AP3B1: variants seen among roughly 807,000 people sequenced by gnomAD.
AP3B1 encodes AP-3 complex subunit beta-1.
AP3B1 carries 61 observed loss-of-function variants against 132.5 expected under a neutral mutation model. The ratio of observed to expected loss-of-function variants is 0.46; its 90% CI spans 0.37 to 0.57. The LOEUF is 0.57. Among genes scored for constraint, AP3B1 ranks in the 20% least tolerant of loss-of-function variants. AP3B1 has a pLI of 0.00. For missense variants in AP3B1, 1,120 were observed against 1,289.4 expected (o/e 0.87, Z 2.01); for synonymous variants, 388 against 438.3 (o/e 0.89, Z 1.43).
rs1380325906 is a variant in AP3B1, at chr5:78,148,942, G to A, written c.1473+7316C>T. 2.0e-5 allele frequency among the ~76,000 whole-genome samples: 3 copies of A among 152,156 alleles called. No individual in the cohort carries two copies. The East Asian group carries it at 5.8e-4, about 29-fold the overall frequency. On this transcript the variant is annotated intron_variant, in intron 14 of 26. Transcript: ENST00000255194. ...TGTTACAATGACTAGAGACACGACT[G>A]AATTTTGATGCTTGGTGGATAGGAA...
rs1367545789 is a variant in AP3B1, at chr5:78,107,048, AAAG to A, written c.2397+3156_2397+3158del. 6.6e-5 allele frequency among the ~76,000 whole-genome samples: 10 copies of A among 152,316 alleles called. No individual in the cohort carries two copies. In the East Asian group the frequency reaches 9.6e-4, roughly 15 times the overall value. On this transcript the variant is annotated intron_variant, in intron 20 of 26. Coordinates refer to ENST00000255194, the MANE Select transcript of AP3B1 (RefSeq NM_003664.5). ...ACAACAGGAAAAATTTAGAGGGAAA[AAAG>A]AAGATTAAAGAAAAATTCATTCACA...
At chr5:78,100,909 C>T in intron 21 of AP3B1, 44 bp downstream of exon 21, 7 of 1,177,544 alleles carry the variant, frequency 5.9e-6, no homozygotes, top group Non-Finnish European at 8.6e-6. Context: ...ATAAAAAATA[C>T]TCTTACTAAA....
chr5:78,216,163 G>A lies in AP3B1; in HGVS notation c.678C>T (p.Tyr226=). 1.2e-6 allele frequency: 2 copies of A among 1,613,992 alleles called. No homozygotes were observed. The highest frequency in any genetic ancestry group is 1.7e-6 in the Non-Finnish European group (2 of 1,179,928). The part of the protein sequence containing the change: ...PDRIDLIHKN[Y]RKLCNLLVDV... ...CCACTAGTAAGTTACATAGCTTGCG[G>A]TAATTTTTATGAATCAGATCTATTC... Residue 226 remains tyrosine, a synonymous_variant, in exon 7 of 27, where the codon TAC becomes TAT. Coordinates refer to ENST00000255194, the MANE Select transcript of AP3B1 (RefSeq NM_003664.5).
intron 7 of AP3B1, among the ~76,000 whole-genome samples, chr5:78,196,693 A>G (rs1745089732): frequency 6.6e-6 from 1 of 152,262 alleles, no homozygotes; most frequent in African/African-American, 2.4e-5. Context: ...GCTAAAAATA[A>G]ATGAGCTAAC....
chr5:78,029,770 G>A (rs1747494765), intron 24 of AP3B1, among the ~76,000 whole-genome samples: 1 of 152,068 alleles, frequency 6.6e-6, no homozygotes, highest in Non-Finnish European at 1.5e-5. Flanking sequence ...CCAAAGAGCT[G>A]GGATAACAGG....
chr5:78,201,715 G>A lies in AP3B1; in HGVS notation c.786+14340C>T, dbSNP rs188953275. Among the ~76,000 whole-genome samples the A allele has an allele frequency of 4.6e-5, 7 of 152,276 alleles. No individual in the cohort carries two copies. The East Asian group carries it at 5.8e-4, about 13-fold the overall frequency. On this transcript the variant is annotated intron_variant, in intron 7 of 26. Transcript: ENST00000255194. The stretch of plus-strand genomic sequence containing the variant: ...GTGCTGGCAACCTGGATTAACAGAC[G>A]AGTAAATGGCAAATGAGTCTTGGAA...
chr5:78,131,300 C>A (rs1314872437), intron 15 of AP3B1, among the ~76,000 whole-genome samples: 2 of 151,754 alleles, frequency 1.3e-5, no homozygotes, highest in Admixed American at 6.6e-5. Context: ...AAATTAAATT[C>A]TGCAGTGAGT....
At chr5:78,047,327 A>C (rs985055281) in intron 22 of AP3B1, among the ~76,000 whole-genome samples, 2 of 152,200 alleles carry the variant, frequency 1.3e-5, no homozygotes, top group Non-Finnish European at 2.9e-5. Flanking sequence ...AACAGTGTAA[A>C]AGTGTTCCTA....
intron 7 of AP3B1, among the ~76,000 whole-genome samples, chr5:78,199,525 A>G (rs931816309): frequency 1.3e-5 from 2 of 152,218 alleles, no homozygotes; most frequent in African/African-American, 4.8e-5. Context: ...AAGTAGAACT[A>G]ATCATGATTC....
chr5:78,088,216 A>G lies in AP3B1; in HGVS notation c.2577+1177T>C, dbSNP rs1750348745. 2.6e-5 allele frequency among the ~76,000 whole-genome samples: 4 copies of G among 152,230 alleles called. No homozygotes were observed. The South Asian group carries it at 8.3e-4, about 31-fold the overall frequency. The stretch of plus-strand genomic sequence containing the variant: ...CTCAATAAATATTTATTACCTGAAT[A>G]AATAAAAGACTTAACTGCTTATTTT... On this transcript the variant is annotated intron_variant, in intron 22 of 26. Coordinates refer to ENST00000255194, the MANE Select transcript of AP3B1 (RefSeq NM_003664.5).
intron 2 of AP3B1, among the ~76,000 whole-genome samples, chr5:78,243,575 T>C (rs979911936): frequency 1.3e-5 from 2 of 152,134 alleles, no homozygotes; most frequent in Non-Finnish European, 2.9e-5. Context: ...GAGGTGGCAA[T>C]AGACTACTGT....
intron 1 of AP3B1, among the ~76,000 whole-genome samples, chr5:78,293,986 C>A (rs1431815776): frequency 6.6e-6 from 1 of 152,124 alleles, no homozygotes; most frequent in African/African-American, 2.4e-5. Context: ...AAATCCACCT[C>A]TCTGCTCCTA....
chr5:78,291,982 T>C (rs13175678), intron 1 of AP3B1, among the ~76,000 whole-genome samples: 33,248 of 151,990 alleles, frequency 0.22, 4,445 homozygotes, highest in Middle Eastern at 0.31. Context: ...TGAATACGTA[T>C]ATGTGCCTGA....
intron 4 of AP3B1, 47 bp from the exon 5 acceptor site, chr5:78,227,579 T>C: frequency 6.3e-7 from 1 of 1,587,432 alleles, no homozygotes; most frequent in East Asian, 2.2e-5. Context: ...CTTTACAATA[T>C]TTTAAACATA....
At chr5:78,060,474 T>C (rs942337369) in intron 22 of AP3B1, among the ~76,000 whole-genome samples, 3 of 152,208 alleles carry the variant, frequency 2.0e-5, no homozygotes, top group Non-Finnish European at 4.4e-5. Context: ...ATAGAAGGCA[T>C]GCACATTATA....
At chr5:78,059,093 T>C (rs920560700) in intron 22 of AP3B1, among the ~76,000 whole-genome samples, 1 of 152,266 alleles carries the variant, frequency 6.6e-6, no homozygotes. Flanking sequence ...TGGAGGTCAT[T>C]CTGGATTTTC....
intron 7 of AP3B1, among the ~76,000 whole-genome samples, chr5:78,201,117 T>C (rs1337756627): frequency 6.6e-6 from 1 of 152,170 alleles, no homozygotes; most frequent in Non-Finnish European, 1.5e-5. Context: ...CCTTGAGATC[T>C]TGCACTTCTA....
intron 22 of AP3B1, among the ~76,000 whole-genome samples, chr5:78,061,272 T>TA (rs397964615): frequency 7.8e-5 from 10 of 127,502 alleles, no homozygotes; most frequent in East Asian, 1.9e-4. Flanking sequence ...GAAAACCAGA[T>TA]AAAAAAAAGA....
chr5:78,005,686 A>C (rs917912938), intron 26 of AP3B1, among the ~76,000 whole-genome samples: 3 of 152,236 alleles, frequency 2.0e-5, no homozygotes, highest in Admixed American at 6.5e-5. Flanking sequence ...TTTAAAGCGG[A>C]AGACTAGAAG....
Sources: allele counts gnomAD v4.1 joint callset (sites outside exome capture counted in the v4.1 genomes callset), GRCh38; gene constraint gnomAD v4.1.1; transcripts MANE v1.5; gene names NCBI Gene and HGNC (gene_info 2026-07-23, HGNC 2026-07-21).